Variants in GMDS observed in about 807,000 individuals in gnomAD.
GMDS encodes GDP-mannose 4,6 dehydratase.
A neutral mutation model predicts 49.9 loss-of-function variants in GMDS; 20 were observed. That is an observed-to-expected ratio of 0.40 (90% CI 0.28 to 0.58). The LOEUF (loss-of-function observed/expected upper bound fraction) is 0.58. GMDS is among the 20% of genes least tolerant of loss of function. GMDS has a pLI of 0.42. For synonymous variants in GMDS, 177 were observed against 178.6 expected (o/e 0.99, Z 0.07); for missense variants, 362 against 481.4 (o/e 0.75, Z 2.32).
chr6:2,160,237 C>CT (rs1220578997), intron 1 of GMDS, among the ~76,000 whole-genome samples: 1 of 152,192 alleles, frequency 6.6e-6, no homozygotes, highest in East Asian at 1.9e-4. Context: ...TATCTGAACT[C>CT]TGAGAAGAGT....
chr6:1,749,642 C>T (rs1051104077), intron 7 of GMDS, among the ~76,000 whole-genome samples: 3 of 152,014 alleles, frequency 2.0e-5, no homozygotes, highest in African/African-American at 4.8e-5. Context: ...CCTTCAGCAA[C>T]ACCTTCTTGC....
chr6:2,237,425 T>C (rs1011269758), intron 1 of GMDS, among the ~76,000 whole-genome samples: 1 of 152,102 alleles, frequency 6.6e-6, no homozygotes, highest in African/African-American at 2.4e-5. Context: ...TTAATGCAAC[T>C]GAGCACCTTA....
At chr6:1,697,967 G>A (rs1293900962) in intron 9 of GMDS, among the ~76,000 whole-genome samples, 1 of 152,172 alleles carries the variant, frequency 6.6e-6, no homozygotes, top group Non-Finnish European at 1.5e-5. Flanking sequence ...TCTCCGTAAA[G>A]TAACACACTG....
rs191037679 is a variant in GMDS, at chr6:2,228,129, C to T, written c.102+17192G>A. ...CCTAGAGAAACAAGAATGGCAGGCA[C>T]CTATCTGAGTGTGCTTGGTTCCTCT... On this transcript the variant is annotated intron_variant, in intron 1 of 10. Transcript: ENST00000380815. Among the ~76,000 whole-genome samples the T allele has an allele frequency of 2.7e-4, 41 of 152,330 alleles. 1 individual carries two copies. The highest frequency in any genetic ancestry group is 7.7e-4 in the African/African-American group (32 of 41,564).
At chr6:2,016,229 A>C (rs1015486592) in intron 4 of GMDS, among the ~76,000 whole-genome samples, 1 of 151,418 alleles carries the variant, frequency 6.6e-6, no homozygotes, top group Admixed American at 6.6e-5. Flanking sequence ...ACTGCACTCT[A>C]GCCTAGGCAA....
intron 7 of GMDS, among the ~76,000 whole-genome samples, chr6:1,893,217 G>A (rs1306517362): frequency 3.7e-5 from 5 of 134,218 alleles, no homozygotes; most frequent in Admixed American, 8.0e-5. Context: ...TTTTTGAGAC[G>A]GAGTCTGACT....
intron 4 of GMDS, among the ~76,000 whole-genome samples, chr6:2,027,064 G>C (rs551016586): frequency 2.0e-5 from 3 of 152,030 alleles, no homozygotes; most frequent in South Asian, 4.1e-4. Context: ...ACTAAGAACA[G>C]GAACCAGAGA....
chr6:1,851,963 C>A (rs1757694054), intron 7 of GMDS, among the ~76,000 whole-genome samples: 1 of 152,172 alleles, frequency 6.6e-6, no homozygotes. Context: ...AACGTCTCAG[C>A]ACCCTATCAC....
intron 9 of GMDS, among the ~76,000 whole-genome samples, chr6:1,687,979 T>C (rs1055952450): frequency 2.9e-4 from 44 of 152,112 alleles, no homozygotes; most frequent in African/African-American, 9.9e-4. Context: ...GGTAATGTGG[T>C]CTCACTTACG....
At chr6:1,692,811 T>C (rs1443448411) in intron 9 of GMDS, among the ~76,000 whole-genome samples, 1 of 152,228 alleles carries the variant, frequency 6.6e-6, no homozygotes, top group African/African-American at 2.4e-5. Context: ...TAAAAATTAG[T>C]TTAACATCTC....
At chr6:1,678,851 C>T (rs1007092455) in intron 9 of GMDS, among the ~76,000 whole-genome samples, 1 of 152,132 alleles carries the variant, frequency 6.6e-6, no homozygotes, top group African/African-American at 2.4e-5. Flanking sequence ...TTTCCTTTTA[C>T]ACAAGTAATG....
At chr6:1,686,423 G>A (rs1304103424) in intron 9 of GMDS, among the ~76,000 whole-genome samples, 1 of 152,206 alleles carries the variant, frequency 6.6e-6, no homozygotes, top group Admixed American at 6.5e-5. Flanking sequence ...AGGGTGTGGG[G>A]GGAAGCTGAT....
intron 7 of GMDS, among the ~76,000 whole-genome samples, chr6:1,896,207 C>G (rs1760172171): frequency 6.6e-6 from 1 of 152,076 alleles, no homozygotes; most frequent in African/African-American, 2.4e-5. Context: ...GGAGGATGTT[C>G]AGCAGCATCC....
intron 4 of GMDS, among the ~76,000 whole-genome samples, chr6:2,018,486 C>G (rs946399540): frequency 6.6e-6 from 1 of 152,186 alleles, no homozygotes; most frequent in African/African-American, 2.4e-5. Context: ...TTTTAGCAGT[C>G]ACTGGCCATT....
intron 4 of GMDS, among the ~76,000 whole-genome samples, chr6:1,979,102 C>T (rs1765080131): frequency 6.6e-6 from 1 of 152,148 alleles, no homozygotes. Context: ...AAAAAATCAA[C>T]ACAAAAACTC....
At chr6:1,878,049 C>A (rs1759164785) in intron 7 of GMDS, among the ~76,000 whole-genome samples, 1 of 152,120 alleles carries the variant, frequency 6.6e-6, no homozygotes, top group Non-Finnish European at 1.5e-5. Flanking sequence ...CGCGGTGGCT[C>A]ACGCCTGTCA....
Position 2,060,024 on chromosome 6 carries a change from T to C in GMDS, c.345+55747A>G, listed in dbSNP as rs145249586. On this transcript the variant is annotated intron_variant, in intron 4 of 10. Transcript: ENST00000380815. The stretch of plus-strand genomic sequence containing the variant: ...CATTTTCAAAATTAAAAAAAATACA[T>C]AAGCAAATAATAAACCTCCCTCATT... Among the ~76,000 whole-genome samples, 723 of 152,228 alleles carry C rather than the reference T, an allele frequency of 4.7e-3. 10 individuals are homozygous for C. The highest frequency in any genetic ancestry group is 0.037 in the Middle Eastern group (11 of 294).
chr6:2,170,972 G>A (rs1777976466), intron 1 of GMDS, among the ~76,000 whole-genome samples: 1 of 151,994 alleles, frequency 6.6e-6, no homozygotes, highest in Admixed American at 6.5e-5. Flanking sequence ...TCCAGCCTGG[G>A]CAAAAGAGTG....
At position 2,148,314 on chromosome 6, in the gene GMDS, T is replaced by C. The variant is rs140262181; in HGVS notation, c.103-23583A>G. Among the ~76,000 whole-genome samples the C allele has an allele frequency of 5.7e-3, 873 of 152,350 alleles. 2 individuals carry two copies. Among genetic ancestry groups the C allele is most frequent in the Middle Eastern group, 0.02 (6 of 294 alleles). On this transcript the variant is annotated intron_variant, in intron 1 of 10. Coordinates refer to ENST00000380815, the MANE Select transcript of GMDS (RefSeq NM_001500.4). Reference sequence around the variant, plus strand: ...AATAGATCTATTCAGTGATTCAACATGCACCTCCAAGTCGTAAGCCGGGCA... The same window carrying C: ...AATAGATCTATTCAGTGATTCAACACGCACCTCCAAGTCGTAAGCCGGGCA...
Sources: gnomAD v4.1 joint callset for allele counts (sites outside exome capture counted in the v4.1 genomes callset) on GRCh38, gnomAD v4.1.1 for gene constraint, MANE v1.5 for transcripts, NCBI Gene and HGNC (gene_info 2026-07-23, HGNC 2026-07-21) for gene names.